Variants in RHBDL3 observed in about 807,000 individuals in gnomAD.
RHBDL3 encodes the protein rhomboid-related protein 3.
RHBDL3 carries 28 observed loss-of-function variants against 48.2 expected under a neutral mutation model. The observed-to-expected ratio is 0.58, with a 90% CI of 0.43 to 0.80. The LOEUF is 0.80. Ranked by LOEUF, RHBDL3 falls within the 30% of genes least tolerant of loss-of-function variation. The pLI, the probability that RHBDL3 is intolerant of heterozygous loss-of-function variation, is 0.00. For missense variants in RHBDL3, 464 were observed against 542.7 expected, an observed-to-expected ratio of 0.85 and a Z score of 1.44; for synonymous variants, 208 against 232.3, an observed-to-expected ratio of 0.90 and a Z score of 0.95.
chr17:32,306,522 T>C (rs1843762120), intron 7 of RHBDL3, among the ~76,000 whole-genome samples: 1 of 152,224 alleles, frequency 6.6e-6, no homozygotes, highest in South Asian at 2.1e-4. Flanking sequence ...TACAGTGTGA[T>C]AGTGAAGAAC....
intron 8 of RHBDL3, among the ~76,000 whole-genome samples, chr17:32,319,141 G>C (rs1258076587): frequency 6.6e-6 from 1 of 151,654 alleles, no homozygotes; most frequent in Non-Finnish European, 1.5e-5. Context: ...AAAAAAATCC[G>C]GCCGGACGCG....
At chr17:32,303,642 T>TTTTTTG (rs367561074) in intron 6 of RHBDL3, among the ~76,000 whole-genome samples, 10 of 152,234 alleles carry the variant, frequency 6.6e-5, no homozygotes, top group Middle Eastern at 3.4e-3. Flanking sequence ...ATGACAGGTT[T>TTTTTTG]TTTTTGTTTT....
intron 7 of RHBDL3, among the ~76,000 whole-genome samples, chr17:32,315,696 C>T (rs1024015514): frequency 4.0e-5 from 6 of 151,822 alleles, no homozygotes; most frequent in Non-Finnish European, 7.4e-5. Context: ...AAGTTTTCAT[C>T]CATTGCATCT....
intron 2 of RHBDL3, among the ~76,000 whole-genome samples, chr17:32,279,681 C>G (rs981022981): frequency 1.3e-5 from 2 of 152,192 alleles, no homozygotes; most frequent in African/African-American, 4.8e-5. Context: ...TCATTTTCTA[C>G]CCCCCGTTTC....
Position 32,288,688 on chromosome 17 carries a change from A to G in RHBDL3, c.295-104A>G, listed in dbSNP as rs534597120. On this transcript the variant is annotated intron_variant, in intron 3 of 8. Coordinates refer to ENST00000269051, the MANE Select transcript of RHBDL3 (RefSeq NM_138328.3). ...ATTAACAATTATAGGAGAAAGGGAA[A>G]TGCGGGGTCAGGCCTGGTGCAAGGA... 4.0e-6 allele frequency: 3 copies of G among 745,020 alleles called. No individual in the cohort carries two copies. The African/African-American group carries it at 5.3e-5, about 13-fold the overall frequency. 46.2% of individuals were successfully genotyped at this position (745,020 alleles called of 1,614,324 possible). A position where few individuals can be genotyped will look rare whatever the true frequency, so the allele number is the denominator to read the frequency against.
chr17:32,281,930 G>A (rs2040062052), intron 2 of RHBDL3, among the ~76,000 whole-genome samples: 1 of 152,202 alleles, frequency 6.6e-6, no homozygotes, highest in Non-Finnish European at 1.5e-5. Flanking sequence ...GTGCTCAGCT[G>A]TCTGGAGGTG....
At chr17:32,291,103 TGGGC>T (rs1365228063) in intron 4 of RHBDL3, among the ~76,000 whole-genome samples, 1 of 147,726 alleles carries the variant, frequency 6.8e-6, no homozygotes, top group Non-Finnish European at 1.5e-5. Flanking sequence ...AAGGCCGAGG[TGGGC>T]GGATCACTTG....
chr17:32,271,039 A>C (rs966905625), intron 2 of RHBDL3, among the ~76,000 whole-genome samples: 7 of 152,056 alleles, frequency 4.6e-5, no homozygotes, highest in African/African-American at 1.7e-4. Flanking sequence ...CCGTTTTTTA[A>C]AAGTTTAAAA....
Position 32,266,287 on chromosome 17 carries a change from C to A in RHBDL3, c.98C>A (p.Ala33Glu). 6.8e-7 allele frequency: 1 copy of A among 1,464,820 alleles called. No homozygotes were observed. The allele number at this position is 1,464,820 out of a possible 1,614,324, so 90.7% of individuals were successfully genotyped here. ...LEPEAEERLPAAPEDHWKVLF... is the reference protein window; with the variant it reads ...LEPEAEERLPEAPEDHWKVLF... ...CCCGAGGCCGAGGAGCGGCTGCCCG[C>A]GGCGCCGGAGGACGTGAGTGCCCCC... Residue 33 changes from alanine (A) to glutamate (E), a missense_variant, in exon 1 of 9, where the codon GCG (alanine) becomes GAG (glutamate). Transcript: ENST00000269051.
intron 2 of RHBDL3, among the ~76,000 whole-genome samples, chr17:32,271,398 C>T (rs1467396265): frequency 1.3e-5 from 2 of 152,188 alleles, no homozygotes; most frequent in East Asian, 1.9e-4. Flanking sequence ...GTAATGTCCC[C>T]TTTAGTTATC....
chr17:32,293,169 A>AG (rs1207141383), intron 4 of RHBDL3, among the ~76,000 whole-genome samples: 11 of 46,702 alleles, frequency 2.4e-4, no homozygotes, highest in African/African-American at 8.9e-4. Context: ...CAGGGGCTGG[A>AG]GGGAGGGGGT....
At chr17:32,281,585 T>C (rs886501460) in intron 2 of RHBDL3, among the ~76,000 whole-genome samples, 5 of 151,660 alleles carry the variant, frequency 3.3e-5, no homozygotes, top group Non-Finnish European at 5.9e-5. Context: ...GCCAGGCTAG[T>C]GAGACCCTGT....
intron 7 of RHBDL3, among the ~76,000 whole-genome samples, chr17:32,312,812 C>T (rs2040876220): frequency 6.6e-6 from 1 of 152,026 alleles, no homozygotes; most frequent in Non-Finnish European, 1.5e-5. Flanking sequence ...GCCACCACAC[C>T]TGGCCTGTTG....
chr17:32,321,442 T>C lies in RHBDL3; in HGVS notation c.*213T>C. On this transcript the variant is annotated 3_prime_UTR_variant, in exon 9 of 9. Coordinates refer to ENST00000269051, the MANE Select transcript of RHBDL3 (RefSeq NM_138328.3). ...AGGAGTTGATGTGGCTGCTGTCGTT[T>C]TTCTCGGCTGCTCTGATGACATCGG... 2 of 1,402,680 alleles carry C rather than the reference T, an allele frequency of 1.4e-6. No homozygotes were observed. The highest frequency in any genetic ancestry group is 2.5e-5 in the East Asian group (1 of 39,616). 86.9% of individuals were successfully genotyped at this position (1,402,680 alleles called of 1,614,324 possible). A position where few individuals can be genotyped will look rare whatever the true frequency, so the allele number is the denominator to read the frequency against.
chr17:32,266,323 G>C, intron 1 of RHBDL3, 23 bp downstream of exon 1: 1 of 1,327,626 alleles, frequency 7.5e-7, no homozygotes, highest in Non-Finnish European at 1.0e-6. Flanking sequence ...TCCCCGCCCG[G>C]CAAACTTTCT....
intron 2 of RHBDL3, 151 bp from the exon 3 acceptor site, chr17:32,284,507 CA>C (rs1267433541): frequency 2.6e-5 from 17 of 660,420 alleles, no homozygotes; most frequent in African/African-American, 2.2e-4. Flanking sequence ...AGATGTTTCC[CA>C]GGGGGGTCCT....
At position 32,293,792 on chromosome 17, in the gene RHBDL3, T is replaced by C. The variant is rs529287889; in HGVS notation, c.520-502T>C. Among the ~76,000 whole-genome samples the C allele has an allele frequency of 1.1e-3, 150 of 138,812 alleles. No individual in the cohort carries two copies. The East Asian group carries it at 0.019, about 18-fold the overall frequency. The allele number at this position is 138,812 out of a possible 152,430, so 91.1% of individuals were successfully genotyped here. A position where few individuals can be genotyped will look rare whatever the true frequency, so the allele number is the denominator to read the frequency against. On this transcript the variant is annotated intron_variant, in intron 4 of 8. Coordinates refer to ENST00000269051, the MANE Select transcript of RHBDL3 (RefSeq NM_138328.3). ...GACCCCAGGACCATGTTGCGGCCATTTGACACAAAATAAGCAAACAGAAGT... is the reference window on the plus strand; with the variant it reads ...GACCCCAGGACCATGTTGCGGCCATCTGACACAAAATAAGCAAACAGAAGT...
chr17:32,316,850 TTTTTA>T (rs1462330676), intron 8 of RHBDL3, among the ~76,000 whole-genome samples: 3 of 149,496 alleles, frequency 2.0e-5, no homozygotes, highest in African/African-American at 5.0e-5. Flanking sequence ...TTTTATTTTA[TTTTTA>T]TTTTATTTTA....
At chr17:32,297,652 CTTTTTTTTTT>C (rs71362824) in intron 5 of RHBDL3, among the ~76,000 whole-genome samples, 1 of 50,942 alleles carries the variant, frequency 2.0e-5, no homozygotes, top group African/African-American at 7.1e-5. Context: ...GTTGCTGGAT[CTTTTTTTTTT>C]TTTTTTTTTT....
Sources: gnomAD v4.1 joint callset for allele counts (sites outside exome capture counted in the v4.1 genomes callset) on GRCh38, gnomAD v4.1.1 for gene constraint, MANE v1.5 for transcripts, NCBI Gene and HGNC (gene_info 2026-07-23, HGNC 2026-07-21) for gene names.